THSD4: variants seen among roughly 807,000 people sequenced by gnomAD.
THSD4 encodes thrombospondin type 1 domain containing 4.
THSD4 carries 69 observed loss-of-function variants against 119.0 expected under a neutral mutation model. The ratio of observed to expected loss-of-function variants is 0.58; its 90% CI spans 0.48 to 0.71. The LOEUF (loss-of-function observed/expected upper bound fraction) is 0.71. Ranked by LOEUF, THSD4 falls within the 30% of genes least tolerant of loss-of-function variation. The pLI is 0.00. For synonymous variants in THSD4, 524 were observed against 540.4 expected (o/e 0.97, Z 0.42); for missense variants, 1,393 against 1,391.1 (o/e 1.00, Z -0.02).
intron 8 of THSD4, among the ~76,000 whole-genome samples, chr15:71,684,428 AATGG>A (rs1047167643): frequency 5.8e-4 from 89 of 152,264 alleles, no homozygotes; most frequent in Admixed American, 1.0e-3. Flanking sequence ...TAGCAAGGAA[AATGG>A]ATGTATGCTC....
intron 3 of THSD4, chr15:71,164,946 C>T: frequency 6.3e-7 from 1 of 1,591,342 alleles, no homozygotes. Flanking sequence ...GCAGCAATAT[C>T]CTTTTCGTAT....
At chr15:71,421,703 A>G (rs1275384847) in intron 7 of THSD4, among the ~76,000 whole-genome samples, 2 of 151,958 alleles carry the variant, frequency 1.3e-5, no homozygotes, top group African/African-American at 4.8e-5. Flanking sequence ...TTAAATATTG[A>G]TATTTTTCCC....
rs368040637 is a variant in THSD4, at chr15:71,757,957, A to G, written c.2471A>G (p.Asn824Ser). 2.2e-5 allele frequency: 36 copies of G among 1,613,882 alleles called. 1 individual carries two copies. The African/African-American group carries it at 2.7e-4, about 12-fold the overall frequency. Residue 824 changes from asparagine (N) to serine (S), a missense_variant, in exon 15 of 18, where the codon AAC becomes AGC. Coordinates refer to ENST00000261862, the MANE Select transcript of THSD4 (RefSeq NM_024817.3). ...VRTRSVVCMT[N>S]HVSSLPLEGC... is the part of the protein sequence containing the mutation. ...ACACGCTCGGTGGTGTGCATGACCA[A>G]CCATGTCAGCAGCCTGCCCCTGGAG...
chr15:71,755,375 G>A (rs1228032248), intron 14 of THSD4, among the ~76,000 whole-genome samples: 2 of 152,136 alleles, frequency 1.3e-5, no homozygotes, highest in East Asian at 1.9e-4. Context: ...ATTTTGATAA[G>A]GAAATGAGGT....
At chr15:71,554,120 C>T (rs1245891616) in intron 7 of THSD4, among the ~76,000 whole-genome samples, 2 of 133,388 alleles carry the variant, frequency 1.5e-5, no homozygotes, top group East Asian at 2.3e-4. Context: ...GATGGAGTCT[C>T]GCTCTGTCGC....
chr15:71,461,971 G>T (rs2047434948), intron 7 of THSD4, among the ~76,000 whole-genome samples: 1 of 152,050 alleles, frequency 6.6e-6, no homozygotes, highest in African/African-American at 2.4e-5. Context: ...ATGAAGCTTT[G>T]TATGTTGGCG....
chr15:71,364,157 G>A (rs1267308963), intron 6 of THSD4, among the ~76,000 whole-genome samples: 1 of 152,132 alleles, frequency 6.6e-6, no homozygotes, highest in Non-Finnish European at 1.5e-5. Flanking sequence ...AGTGGGGTGG[G>A]GTGGACAATT....
intron 1 of THSD4, among the ~76,000 whole-genome samples, chr15:71,131,531 T>A (rs1011840175): frequency 1.1e-4 from 17 of 149,876 alleles, no homozygotes; most frequent in African/African-American, 3.7e-4. Context: ...GCAAATAAGG[T>A]TGTAAAAAAT....
intron 6 of THSD4, among the ~76,000 whole-genome samples, chr15:71,410,681 G>A (rs1206432043): frequency 1.3e-5 from 2 of 152,184 alleles, no homozygotes; most frequent in Admixed American, 6.6e-5. Context: ...ATTACAGGAA[G>A]CTGCGGCCAT....
At chr15:71,100,677 A>C (rs1471116986) in intron 1 of THSD4, among the ~76,000 whole-genome samples, 1 of 152,190 alleles carries the variant, frequency 6.6e-6, no homozygotes, top group Non-Finnish European at 1.5e-5. Flanking sequence ...TATACCATTT[A>C]AATTTAATGT....
At chr15:71,497,235 G>A (rs1046760767) in intron 7 of THSD4, among the ~76,000 whole-genome samples, 5 of 152,298 alleles carry the variant, frequency 3.3e-5, no homozygotes, top group South Asian at 2.1e-4. Context: ...ATATGTGGCC[G>A]GGCACGGTGG....
chr15:71,130,986 C>T (rs2040498728), intron 1 of THSD4, among the ~76,000 whole-genome samples: 2 of 150,638 alleles, frequency 1.3e-5, no homozygotes, highest in Non-Finnish European at 2.9e-5. Context: ...CCTCGTGATC[C>T]GCCTGCCTTG....
At position 71,592,889 on chromosome 15, in the gene THSD4, G is replaced by A. The variant is rs143787117; in HGVS notation, c.1153-67641G>A. Reference sequence around the variant, plus strand: ...TGTCCTGCCTGCCCTCTCTCATCGCGTTCCAGCTTAGTTCTGTGAGGTCAG... The same window carrying A: ...TGTCCTGCCTGCCCTCTCTCATCGCATTCCAGCTTAGTTCTGTGAGGTCAG... On this transcript the variant is annotated intron_variant, in intron 7 of 17. Coordinates refer to ENST00000261862, the MANE Select transcript of THSD4 (RefSeq NM_024817.3). Among the ~76,000 whole-genome samples, 495 of 152,188 alleles carry A rather than the reference G, an allele frequency of 3.3e-3. 4 individuals are homozygous for A. The highest frequency in any genetic ancestry group is 0.011 in the East Asian group (54 of 5,136).
chr15:71,731,371 C>G (rs183225352), intron 10 of THSD4, 154 bp downstream of exon 10: 3 of 676,098 alleles, frequency 4.4e-6, no homozygotes, highest in African/African-American at 3.6e-5. Flanking sequence ...GACATTGGAG[C>G]AGGCTTCACC....
chr15:71,473,328 G>A (rs1001376138), intron 7 of THSD4, among the ~76,000 whole-genome samples: 1 of 152,122 alleles, frequency 6.6e-6, no homozygotes, highest in Non-Finnish European at 1.5e-5. Context: ...AAAGTGCTGG[G>A]ATTACAGGTG....
At chr15:71,674,879 A>G (rs1203393863) in intron 8 of THSD4, among the ~76,000 whole-genome samples, 1 of 152,194 alleles carries the variant, frequency 6.6e-6, no homozygotes, top group East Asian at 1.9e-4. Flanking sequence ...TCTAAACCTC[A>G]GTGGTGCTGA....
At chr15:71,322,677 G>C (rs1399575444) in intron 6 of THSD4, among the ~76,000 whole-genome samples, 1 of 152,202 alleles carries the variant, frequency 6.6e-6, no homozygotes, top group Non-Finnish European at 1.5e-5. Flanking sequence ...GACTTCCAAA[G>C]TAGCTCACTC....
At chr15:71,566,022 C>A (rs993011333) in intron 7 of THSD4, among the ~76,000 whole-genome samples, 1 of 152,082 alleles carries the variant, frequency 6.6e-6, no homozygotes, top group Non-Finnish European at 1.5e-5. Context: ...GTGCATCTGG[C>A]CCAACGCTCC....
chr15:71,484,405 ATTATT>A (rs1451158906), intron 7 of THSD4, among the ~76,000 whole-genome samples: 3 of 152,214 alleles, frequency 2.0e-5, no homozygotes, highest in Non-Finnish European at 4.4e-5. Flanking sequence ...AGGTGCTATT[ATTATT>A]CCAAACTTAA....
Sources: gnomAD v4.1 joint callset for allele counts (sites outside exome capture counted in the v4.1 genomes callset) on GRCh38, gnomAD v4.1.1 for gene constraint, MANE v1.5 for transcripts, NCBI Gene and HGNC (gene_info 2026-07-23, HGNC 2026-07-21) for gene names.